COL5A2: variants seen among roughly 807,000 people sequenced by gnomAD.
COL5A2 encodes the protein collagen type V alpha 2 chain.
A neutral mutation model predicts 208.2 loss-of-function variants in COL5A2; 23 were observed. That is an observed-to-expected ratio of 0.11 (90% CI 0.08 to 0.16). The LOEUF is 0.16. COL5A2 is among the 10% of genes least tolerant of loss of function. The probability of loss-of-function intolerance (pLI) is 1.00; values close to 1 mark genes in which losing one functional copy is unlikely to be tolerated. For missense variants in COL5A2, 1,590 were observed against 1,956.4 expected, an observed-to-expected ratio of 0.81 and a Z score of 3.53; for synonymous variants, 625 against 628.5, an observed-to-expected ratio of 0.99 and a Z score of 0.08.
upstream of COL5A2, among the ~76,000 whole-genome samples, chr2:189,181,099 T>C (rs541892847): frequency 2.3e-4 from 35 of 152,142 alleles, no homozygotes; most frequent in Non-Finnish European, 4.6e-4. Flanking sequence ...CCAGAGCATA[T>C]AAATATGTGA....
At chr2:189,425,602 G>A in the COL5A2 span, among the ~76,000 whole-genome samples, 2 of 152,178 alleles carry the variant, frequency 1.3e-5, no homozygotes, top group African/African-American at 4.8e-5. Flanking sequence ...GGTGCAGAAA[G>A]ACAAATACCA....
At chr2:189,057,245 C>T in intron 34 of COL5A2, 75 bp downstream of exon 34, 1 of 878,612 alleles carries the variant, frequency 1.1e-6, no homozygotes, top group Non-Finnish European at 1.6e-6. Flanking sequence ...AAAGCCTGCT[C>T]AAGAAATCAT....
intron 1 of COL5A2, among the ~76,000 whole-genome samples, chr2:189,192,081 T>C (rs1688939175): frequency 6.6e-6 from 1 of 152,152 alleles, no homozygotes; most frequent in Non-Finnish European, 1.5e-5. Flanking sequence ...AAAATAGTCA[T>C]CTTTTTCAGC....
chr2:189,143,132 A>G (rs966023181), intron 1 of COL5A2, among the ~76,000 whole-genome samples: 5 of 152,086 alleles, frequency 3.3e-5, no homozygotes, highest in African/African-American at 1.2e-4. Flanking sequence ...TGCATTATCT[A>G]TATCACTGTT....
At chr2:189,134,726 G>A (rs1255296479) in intron 1 of COL5A2, among the ~76,000 whole-genome samples, 1 of 152,052 alleles carries the variant, frequency 6.6e-6, no homozygotes, top group East Asian at 1.9e-4. Context: ...AACAAACCAA[G>A]GGCAAATTTC....
the COL5A2 span, among the ~76,000 whole-genome samples, chr2:189,419,909 G>T: frequency 7.2e-6 from 1 of 139,768 alleles, no homozygotes; most frequent in South Asian, 2.4e-4. Context: ...GAGAAGAGGA[G>T]GAGGAGAAGA....
chr2:189,323,167 A>T, the COL5A2 span, among the ~76,000 whole-genome samples: 1 of 152,264 alleles, frequency 6.6e-6, no homozygotes, highest in African/African-American at 2.4e-5. Context: ...GATGGGACGT[A>T]TCTCAAAATA....
At chr2:189,040,619 A>G (rs1355870463) in intron 50 of COL5A2, among the ~76,000 whole-genome samples, 1 of 152,150 alleles carries the variant, frequency 6.6e-6, no homozygotes, top group Non-Finnish European at 1.5e-5. Flanking sequence ...TTTTACCTTC[A>G]GTGCCAATGT....
chr2:189,301,100 T>C, the COL5A2 span, among the ~76,000 whole-genome samples: 1 of 152,000 alleles, frequency 6.6e-6, no homozygotes, highest in African/African-American at 2.4e-5. Context: ...GGTGGGGGAT[T>C]GCTTTGAACC....
At chr2:189,306,485 A>C in the COL5A2 span, among the ~76,000 whole-genome samples, 35 of 152,328 alleles carry the variant, frequency 2.3e-4, no homozygotes, top group African/African-American at 7.9e-4. Context: ...CATCTTCATC[A>C]TGTGCATTTT....
intron 17 of COL5A2, 119 bp downstream of exon 17, chr2:189,075,274 A>T: frequency 1.4e-6 from 1 of 714,196 alleles, no homozygotes; most frequent in Non-Finnish European, 2.5e-6. Context: ...CTATGTGTCC[A>T]TCAACTTTTT....
rs775697182 is a variant in COL5A2 at position 189,036,754 on chromosome 2, T to C, written c.3975A>G (p.Lys1325=). 23 of 1,613,744 alleles carry C rather than the reference T, an allele frequency of 1.4e-5. 1 individual carries two copies. Among genetic ancestry groups the C allele is most frequent in the Non-Finnish European group, 2.5e-6 (3 of 1,179,716 alleles). The change falls in exon 52 of 54, where the codon AAA becomes AAG. Residue 1325 remains lysine, a synonymous_variant. Transcript: ENST00000374866. The stretch of plus-strand genomic sequence containing the variant: ...CTCCTGTTTCCATGTTGCAGTAAAC[T>C]TTGATTGCATCTTCAACAGATCCTT... ...PNQGSVEDAI[K]VYCNMETGET...
intron 2 of COL5A2, among the ~76,000 whole-genome samples, chr2:189,109,147 G>A (rs971965798): frequency 3.3e-5 from 5 of 151,664 alleles, no homozygotes; most frequent in Non-Finnish European, 5.9e-5. Context: ...GAAGGAGACT[G>A]TATATTTTGG....
At chr2:189,252,687 A>T in the COL5A2 span, among the ~76,000 whole-genome samples, 1 of 152,172 alleles carries the variant, frequency 6.6e-6, no homozygotes, top group Admixed American at 6.5e-5. Context: ...GGTGCAGCAC[A>T]CCAACATGGC....
At chr2:189,101,527 T>C (rs1687046238) in intron 3 of COL5A2, among the ~76,000 whole-genome samples, 1 of 152,100 alleles carries the variant, frequency 6.6e-6, no homozygotes. Context: ...GTGTCCATGG[T>C]ATCTCTGATT....
chr2:189,078,916 C>A, intron 15 of COL5A2, 147 bp downstream of exon 15: 1 of 715,104 alleles, frequency 1.4e-6, no homozygotes, highest in Non-Finnish European at 2.4e-6. Context: ...CTGTGCTTGT[C>A]TATCAGCTGG....
the COL5A2 span, among the ~76,000 whole-genome samples, chr2:189,239,978 A>G: frequency 2.6e-5 from 4 of 152,218 alleles, no homozygotes; most frequent in Admixed American, 6.5e-5. Flanking sequence ...ATAACTCTGT[A>G]CTGTTTTAAG....
chr2:189,124,850 G>C (rs1435521229), intron 1 of COL5A2, among the ~76,000 whole-genome samples: 2 of 150,870 alleles, frequency 1.3e-5, no homozygotes, highest in African/African-American at 2.4e-5. Flanking sequence ...AGTCACAATA[G>C]ATTCAACTGG....
chr2:189,282,607 A>G, the COL5A2 span, among the ~76,000 whole-genome samples: 8 of 152,342 alleles, frequency 5.3e-5, no homozygotes, highest in African/African-American at 1.9e-4. Context: ...TAACACTAAG[A>G]AATTTCATAT....
Sources: allele counts gnomAD v4.1 joint callset (sites outside exome capture counted in the v4.1 genomes callset), GRCh38; gene constraint gnomAD v4.1.1; transcripts MANE v1.5; gene names NCBI Gene and HGNC (gene_info 2026-07-23, HGNC 2026-07-21).